PDXDC1: variants seen among roughly 807,000 people sequenced by gnomAD.
PDXDC1 encodes pyridoxal-dependent decarboxylase domain-containing protein 1.
Under a neutral mutation model 100.1 loss-of-function variants are expected in PDXDC1, and 42 were observed. That is an observed-to-expected ratio of 0.42 (90% CI 0.33 to 0.54). The LOEUF is 0.54. Ranked by LOEUF, PDXDC1 falls within the 20% of genes least tolerant of loss-of-function variation. The probability of loss-of-function intolerance (pLI) is 0.10; values close to 1 mark genes in which losing one functional copy is unlikely to be tolerated. For synonymous variants in PDXDC1, 260 were observed against 371.7 expected (o/e 0.70, Z 3.46); for missense variants, 636 against 979.2 (o/e 0.65, Z 4.68).
chr16:15,104,231 A>T (rs572766629), intron 16 of PDXDC1: 400 of 1,207,384 alleles, frequency 3.3e-4, no homozygotes, highest in Non-Finnish European at 3.9e-4. Flanking sequence ...GATTAAAAAA[A>T]CCCCTACGAT....
chr16:15,073,740 A>C (rs1222553268), intron 16 of PDXDC1, among the ~76,000 whole-genome samples: 1 of 152,228 alleles, frequency 6.6e-6, no homozygotes, highest in Non-Finnish European at 1.5e-5. Flanking sequence ...TCATGGTGAA[A>C]ACAGTAAAAG....
In PDXDC1 at chr16:14,988,359, A is replaced by T. The variant is rs1969898695; in HGVS notation, c.22-9394A>T. The T allele has an allele frequency of 1.9e-6, 3 of 1,614,268 alleles. No homozygotes were observed. In the East Asian group the frequency reaches 6.7e-5, roughly 36 times the overall value. On this transcript the variant is annotated intron_variant, in intron 1 of 22. Transcript: ENST00000396410. ...GAAGAGGAAGAGGTGGAAGAGGGTG[A>T]TGAGGGAGGCCAAGCTGAACCAGAA... is the stretch of plus-strand genomic sequence containing the variant.
At chr16:15,071,908 A>AT (rs1218394641) in intron 16 of PDXDC1, among the ~76,000 whole-genome samples, 1 of 152,232 alleles carries the variant, frequency 6.6e-6, no homozygotes, top group East Asian at 1.9e-4. Flanking sequence ...GTGACCAACA[A>AT]TAATTCACAT....
At chr16:15,091,642 C>G (rs539530782) in intron 16 of PDXDC1, among the ~76,000 whole-genome samples, 1 of 152,102 alleles carries the variant, frequency 6.6e-6, no homozygotes, top group Admixed American at 6.6e-5. Flanking sequence ...CCTGCGAATT[C>G]TCAAAAAGCA....
intron 16 of PDXDC1, among the ~76,000 whole-genome samples, chr16:15,124,739 T>G (rs1355664152): frequency 6.6e-6 from 1 of 151,724 alleles, no homozygotes; most frequent in Non-Finnish European, 1.5e-5. Context: ...ACCACTGCAC[T>G]CCAGCCTAGG....
Position 15,078,816 on chromosome 16 carries a change from T to C in PDXDC1, c.1399+48760T>C, listed in dbSNP as rs544515829. Among the ~76,000 whole-genome samples, 486 of 149,350 alleles carry C rather than the reference T, an allele frequency of 3.3e-3. 4 individuals are homozygous for C. Among genetic ancestry groups the C allele is most frequent in the African/African-American group, 0.011 (469 of 40,882 alleles). On this transcript the variant is annotated intron_variant, in intron 16 of 16. Coordinates refer to the PDXDC1 transcript ENST00000535621. Reference sequence around the variant, plus strand: ...GCCTCCTCTTCGTATTTTTTTCTTTTTTTTTTTTTTTTTGAGACAGAGTCT... The same window carrying C: ...GCCTCCTCTTCGTATTTTTTTCTTTCTTTTTTTTTTTTTGAGACAGAGTCT...
chr16:15,128,271 G>C (rs536028009), intron 16 of PDXDC1: 19 of 1,611,094 alleles, frequency 1.2e-5, no homozygotes, highest in Non-Finnish European at 1.4e-5. Flanking sequence ...GGCTGTGCGG[G>C]GTGGCGATCC....
At chr16:15,149,580 C>T in the PDXDC1 span, among the ~76,000 whole-genome samples, 1 of 152,190 alleles carries the variant, frequency 6.6e-6, no homozygotes, top group Admixed American at 6.5e-5. Context: ...GCCCCGGGGT[C>T]TGCGCCTGCT....
downstream of PDXDC1, among the ~76,000 whole-genome samples, chr16:15,143,590 G>C (rs1372519325): frequency 6.6e-6 from 1 of 152,222 alleles, no homozygotes; most frequent in African/African-American, 2.4e-5. Context: ...TGGCGCGAGG[G>C]TGGGTGAAGC....
At chr16:14,991,267 A>ATGTGTGTG (rs10642182) in intron 1 of PDXDC1, among the ~76,000 whole-genome samples, 3,686 of 149,342 alleles carry the variant, frequency 0.025, 1 homozygote, top group Non-Finnish European at 0.027. Context: ...GTATATAGAT[A>ATGTGTGTG]TGTGTGTGTG....
At chr16:15,124,912 G>A (rs926642550) in intron 16 of PDXDC1, among the ~76,000 whole-genome samples, 15 of 151,954 alleles carry the variant, frequency 9.9e-5, no homozygotes, top group Non-Finnish European at 1.9e-4. Flanking sequence ...ACTTTGGGAG[G>A]CTGAGGCAGG....
chr16:15,050,753 A>C (rs1017756743), intron 16 of PDXDC1, among the ~76,000 whole-genome samples: 2 of 152,142 alleles, frequency 1.3e-5, no homozygotes, highest in Admixed American at 6.5e-5. Context: ...AATTAAGATT[A>C]AACTAAAAGA....
chr16:15,133,453 G>A (rs1166418257), intron 16 of PDXDC1: 2 of 905,454 alleles, frequency 2.2e-6, no homozygotes, highest in African/African-American at 1.7e-5. Context: ...GTGAGCAGGT[G>A]GCAGTCTCGG....
At chr16:14,976,298 T>C (rs1217608740) in intron 1 of PDXDC1, among the ~76,000 whole-genome samples, 1 of 152,294 alleles carries the variant, frequency 6.6e-6, no homozygotes, top group African/African-American at 2.4e-5. Context: ...CATTTTAATT[T>C]TGAGCTGGTA....
rs2043588529 is a variant in PDXDC1 at position 15,037,905 on chromosome 16, T to TGAAAGACACTGAGGAG, written c.*1632_*1647dup. The stretch of plus-strand genomic sequence containing the variant: ...TGAAAGTCATTTGATGAAAGTCATT[T>TGAAAGACACTGAGGAG]GAAAGACACTGAGGAGGGAAGGAGG... On this transcript the variant is annotated 3_prime_UTR_variant, in exon 23 of 23. Transcript: ENST00000396410. The TGAAAGACACTGAGGAG allele has an allele frequency of 1.0e-5, 6 of 598,162 alleles. No homozygotes were observed. The highest frequency in any genetic ancestry group is 8.7e-5 in the Admixed American group (3 of 34,672). 37.1% of individuals were successfully genotyped at this position (598,162 alleles called of 1,614,324 possible).
In PDXDC1 at chr16:15,134,020, T is replaced by C. The variant is rs2048233092; in HGVS notation, c.1400-4859T>C. On this transcript the variant is annotated intron_variant, in intron 16 of 16. Transcript: ENST00000535621. ...CACATGCCTGCGCTGCCCGTGGATG[T>C]GGTGGTCTCATCCAGCACCAGTGTC... The C allele has an allele frequency of 2.1e-5, 31 of 1,475,204 alleles. No individual in the cohort carries two copies. In the South Asian group the frequency reaches 3.2e-4, roughly 15 times the overall value. 91.4% of individuals were successfully genotyped at this position (1,475,204 alleles called of 1,614,324 possible). A position where few individuals can be genotyped will look rare whatever the true frequency, so the allele number is the denominator to read the frequency against.
Position 14,984,495 on chromosome 16 carries a change from A to ATATAT in PDXDC1, c.21+9276_21+9277insATATT, listed in dbSNP as rs1555542734. 7.7e-3 allele frequency among the ~76,000 whole-genome samples: 564 copies of ATATAT among 73,502 alleles called. 2 individuals are homozygous for ATATAT. Among genetic ancestry groups the ATATAT allele is most frequent in the Non-Finnish European group, 0.011 (445 of 41,400 alleles). The allele number at this position is 73,502 out of a possible 152,430, so 48.2% of individuals were successfully genotyped here. A position where few individuals can be genotyped will look rare whatever the true frequency, so the allele number is the denominator to read the frequency against. On this transcript the variant is annotated intron_variant, in intron 1 of 22. Transcript: ENST00000396410. ...TGTATACATATATATATATATATAT[A>ATATAT]TTTTTTTTTTTTTTTTTTCTGAGAC...
At chr16:15,134,163 A>G (rs1367232219) in intron 16 of PDXDC1, 1 of 1,256,552 alleles carries the variant, frequency 8.0e-7, no homozygotes, top group East Asian at 2.4e-5. Flanking sequence ...CGGCCATGGG[A>G]CCCATCCCCA....
chr16:15,082,433 G>C (rs998877545), intron 16 of PDXDC1, among the ~76,000 whole-genome samples: 1 of 152,060 alleles, frequency 6.6e-6, no homozygotes, highest in Non-Finnish European at 1.5e-5. Flanking sequence ...AACACTTTGC[G>C]AGGTGGAGAC....
Sources: allele counts gnomAD v4.1 joint callset (sites outside exome capture counted in the v4.1 genomes callset), GRCh38; gene constraint gnomAD v4.1.1; transcripts MANE v1.5; gene names NCBI Gene and HGNC (gene_info 2026-07-23, HGNC 2026-07-21).